CELF2: variants seen among roughly 807,000 people sequenced by gnomAD.
CELF2 encodes the protein CUGBP Elav-like family member 2.
In CELF2, 8 loss-of-function variants were observed where a neutral mutation model predicts 62.6. The observed-to-expected ratio is 0.13, with a 90% CI of 0.07 to 0.23. The LOEUF (loss-of-function observed/expected upper bound fraction) is 0.23, where lower values mean the gene tolerates loss of function less well. Among genes scored for constraint, CELF2 ranks in the 10% least tolerant of loss-of-function variants. CELF2 has a pLI of 1.00. For synonymous variants in CELF2, 258 were observed against 250.0 expected (o/e 1.03, Z -0.30); for missense variants, 333 against 671.0 (o/e 0.50, Z 5.56).
chr10:11,071,223 T>C (rs2069862816), intron 1 of CELF2, among the ~76,000 whole-genome samples: 1 of 152,234 alleles, frequency 6.6e-6, no homozygotes. Context: ...GGCCTGTGTT[T>C]TGCAGCAAGC....
At chr10:11,125,855 A>C (rs948945873) in intron 1 of CELF2, among the ~76,000 whole-genome samples, 3 of 151,910 alleles carry the variant, frequency 2.0e-5, no homozygotes, top group African/African-American at 7.3e-5. Context: ...TTTCAAACGG[A>C]GTAATACTCT....
intron 1 of CELF2, among the ~76,000 whole-genome samples, chr10:10,873,176 G>C (rs928003565): frequency 2.0e-5 from 3 of 152,100 alleles, no homozygotes; most frequent in Admixed American, 2.0e-4. Flanking sequence ...CTGTAGGGGA[G>C]AGAGTGCATA....
At chr10:11,040,823 T>C (rs1398271358) in intron 1 of CELF2, among the ~76,000 whole-genome samples, 1 of 152,214 alleles carries the variant, frequency 6.6e-6, no homozygotes, top group African/African-American at 2.4e-5. Context: ...TTATCAAAAA[T>C]ATTCAATATT....
the CELF2 span, among the ~76,000 whole-genome samples, chr10:10,721,574 T>A: frequency 1.3e-5 from 2 of 152,262 alleles, no homozygotes; most frequent in African/African-American, 4.8e-5. Context: ...TTATCGTCTT[T>A]TGAAACTGGA....
Position 11,025,429 on chromosome 10 carries a change from C to G in CELF2, c.74+7266C>G, listed in dbSNP as rs138932338. ...CTGTCCTCGTGGTAGCGAGTTCTCA[C>G]GAGATCCGATGGTTTTATAAGGGGC... On this transcript the variant is annotated intron_variant, in intron 1 of 12. Transcript: ENST00000633077. Among the ~76,000 whole-genome samples, 583 of 152,136 alleles carry G rather than the reference C, an allele frequency of 3.8e-3. 1 individual carries two copies. Among genetic ancestry groups the G allele is most frequent in the African/African-American group, 0.014 (562 of 41,506 alleles).
the CELF2 span, among the ~76,000 whole-genome samples, chr10:10,649,350 T>C: frequency 1.3e-4 from 20 of 152,338 alleles, no homozygotes; most frequent in East Asian, 3.5e-3. Flanking sequence ...CTGGGTTTTC[T>C]CTTTTGTATA....
rs1593068057 is a variant in CELF2, at chr10:11,009,993, A to T, written c.53+4553A>T. On this transcript the variant is annotated intron_variant, in intron 1 of 12. Transcript: ENST00000416382. ...TCTGTGAACTGACTAGCCTGGGCAC[A>T]GTTGTGCCTTTATGCGGAAATTGAT... Among the ~76,000 whole-genome samples, 3 of 152,236 alleles carry T rather than the reference A, an allele frequency of 2.0e-5. No homozygotes were observed. In the South Asian group the frequency reaches 6.2e-4, roughly 32 times the overall value.
rs2095987340 is a variant in CELF2, at chr10:11,330,475, TTCA to T, written c.*1425_*1427del. ...CCCTAGACATCTTCATGCCCGTTAG[TTCA>T]TCGTTTGCCTAGCATGTCCCTGTGG... On this transcript the variant is annotated 3_prime_UTR_variant, in exon 13 of 13. Coordinates refer to ENST00000633077, the MANE Select transcript of CELF2 (RefSeq NM_001326342.2). The surrounding 1 kb of genome is among the most constrained non-coding windows in gnomAD (Gnocchi z 4.5). The T allele has an allele frequency of 6.6e-6, 1 of 152,628 alleles. No homozygotes were observed. Among genetic ancestry groups the T allele is most frequent in the African/African-American group, 2.4e-5 (1 of 41,464 alleles). 9.5% of individuals were successfully genotyped at this position (152,628 alleles called of 1,614,324 possible).
intron 1 of CELF2, among the ~76,000 whole-genome samples, chr10:10,839,075 G>A (rs1043209719): frequency 1.3e-5 from 2 of 152,144 alleles, no homozygotes; most frequent in African/African-American, 4.8e-5. Context: ...GAACCCAGGA[G>A]GGGGAGGTTG....
the CELF2 span, among the ~76,000 whole-genome samples, chr10:10,633,174 C>A: frequency 6.6e-6 from 1 of 152,194 alleles, no homozygotes; most frequent in Non-Finnish European, 1.5e-5. Flanking sequence ...TTTCACCGTC[C>A]TGTGCGTGTA....
At chr10:11,131,304 G>A (rs1305032684) in intron 1 of CELF2, among the ~76,000 whole-genome samples, 2 of 152,194 alleles carry the variant, frequency 1.3e-5, no homozygotes, top group African/African-American at 2.4e-5. Flanking sequence ...CAAGAAGCAC[G>A]AGGACTCCTG....
Position 11,321,395 on chromosome 10 carries a change from C to A in CELF2, c.1294+9C>A, listed in dbSNP as rs551790830. The A allele has an allele frequency of 1.2e-6, 2 of 1,601,024 alleles. No individual in the cohort carries two copies. The highest frequency in any genetic ancestry group is 2.7e-5 in the African/African-American group (2 of 75,028). The stretch of plus-strand genomic sequence containing the variant: ...AGGCAGCCAGAAGGAAGGTAGGTGC[C>A]GCCCTTGGCCCCAGGCAGGGCCCAG... On this transcript the variant is annotated intron_variant, in intron 11 of 12. Coordinates refer to ENST00000633077, the MANE Select transcript of CELF2 (RefSeq NM_001326342.2). The surrounding 1 kb of genome is among the most constrained non-coding windows in gnomAD (Gnocchi z 6.2).
chr10:11,325,314 CTG>C (rs778016360), intron 11 of CELF2, among the ~76,000 whole-genome samples: 12 of 152,238 alleles, frequency 7.9e-5, no homozygotes, highest in African/African-American at 2.7e-4. Flanking sequence ...GATTATTAGA[CTG>C]TGTGTTAAGA....
chr10:10,496,032 A>G, the CELF2 span, among the ~76,000 whole-genome samples: 2 of 152,226 alleles, frequency 1.3e-5, no homozygotes, highest in African/African-American at 4.8e-5. Context: ...CTTTGTGCTA[A>G]TCACTTTACA....
At chr10:11,093,910 G>T (rs911690812) in intron 1 of CELF2, among the ~76,000 whole-genome samples, 3 of 152,164 alleles carry the variant, frequency 2.0e-5, no homozygotes, top group Non-Finnish European at 4.4e-5. Flanking sequence ...CTCTTCTAAG[G>T]TTGAGTCAGT....
At chr10:10,866,050 G>A (rs1207566831) in intron 1 of CELF2, among the ~76,000 whole-genome samples, 2 of 152,104 alleles carry the variant, frequency 1.3e-5, no homozygotes, top group African/African-American at 4.8e-5. Context: ...TGCAGTATTG[G>A]TAGGCATGTT....
chr10:11,321,040 G>A lies in CELF2; in HGVS notation c.1097-149G>A. The stretch of plus-strand genomic sequence containing the variant: ...CATTATCACGATTTATTTCTTCATG[G>A]TTTCATTTTTAGTTTCCTGTCAGTG... On this transcript the variant is annotated intron_variant, in intron 10 of 12. Transcript: ENST00000633077. This position sits in a 1 kb window ranked among gnomAD's most constrained non-coding sequence, Gnocchi z 6.2. 3 of 1,317,492 alleles carry A rather than the reference G, an allele frequency of 2.3e-6. No individual in the cohort carries two copies. Among genetic ancestry groups the A allele is most frequent in the Admixed American group, 2.2e-5 (1 of 45,254 alleles). 81.6% of individuals were successfully genotyped at this position (1,317,492 alleles called of 1,614,324 possible).
At chr10:11,175,111 A>G (rs1596635776) in intron 2 of CELF2, among the ~76,000 whole-genome samples, 1 of 151,882 alleles carries the variant, frequency 6.6e-6, no homozygotes, top group African/African-American at 2.4e-5. Flanking sequence ...CCAGACACCA[A>G]GTGTTACGGA....
chr10:10,909,482 T>A (rs1436461826), intron 1 of CELF2, among the ~76,000 whole-genome samples: 1 of 152,216 alleles, frequency 6.6e-6, no homozygotes, highest in African/African-American at 2.4e-5. Flanking sequence ...CTGCTTGTTC[T>A]TCTCCATGGT....
Sources: gnomAD v4.1 joint callset for allele counts (sites outside exome capture counted in the v4.1 genomes callset) on GRCh38, gnomAD v4.1.1 for gene constraint, Gnocchi (gnomAD v3.1) non-coding constraint, MANE v1.5 for transcripts, NCBI Gene and HGNC (gene_info 2026-07-23, HGNC 2026-07-21) for gene names.